The following FBXL17 variants were observed in gnomAD, a reference collection of about 807,000 sequenced individuals.
FBXL17 encodes F-box and leucine rich repeat protein 17, also known as F-box/LRR-repeat protein 17.
Under a neutral mutation model 66.2 loss-of-function variants are expected in FBXL17, and 22 were observed. The ratio of observed to expected loss-of-function variants is 0.33; its 90% CI spans 0.24 to 0.47. FBXL17 has a LOEUF of 0.47. Ranked by LOEUF, FBXL17 falls within the 20% of genes least tolerant of loss-of-function variation. FBXL17 has a pLI of 1.00. For synonymous variants in FBXL17, 474 were observed against 400.5 expected, an observed-to-expected ratio of 1.18 and a Z score of -2.19; for missense variants, 878 against 948.2, an observed-to-expected ratio of 0.93 and a Z score of 0.97.
At chr5:108,305,971 T>C (rs529391786) in intron 4 of FBXL17, among the ~76,000 whole-genome samples, 2 of 152,196 alleles carry the variant, frequency 1.3e-5, no homozygotes, top group South Asian at 4.1e-4. Flanking sequence ...TCAAAACCCA[T>C]TAGTAGAGTC....
chr5:108,361,971 C>T (rs1430923549), intron 3 of FBXL17, among the ~76,000 whole-genome samples: 4 of 152,134 alleles, frequency 2.6e-5, no homozygotes, highest in African/African-American at 9.7e-5. Flanking sequence ...GTAAAAAACC[C>T]ACAAAGCATT....
intron 4 of FBXL17, among the ~76,000 whole-genome samples, chr5:108,263,720 A>C (rs1229180092): frequency 6.6e-6 from 1 of 152,226 alleles, no homozygotes; most frequent in Non-Finnish European, 1.5e-5. Flanking sequence ...AATATTATTT[A>C]ATACATAAAA....
intron 6 of FBXL17, among the ~76,000 whole-genome samples, chr5:108,047,374 G>A (rs931353620): frequency 2.0e-5 from 3 of 152,186 alleles, no homozygotes; most frequent in African/African-American, 4.8e-5. Flanking sequence ...CCAGAGTGAC[G>A]CAGATTCTCA....
At chr5:108,206,261 A>C (rs1420754705) in intron 5 of FBXL17, among the ~76,000 whole-genome samples, 1 of 152,210 alleles carries the variant, frequency 6.6e-6, no homozygotes, top group African/African-American at 2.4e-5. Flanking sequence ...AATTCCTATA[A>C]GAAAAAAAGG....
chr5:108,233,188 T>C (rs953284464), intron 4 of FBXL17, among the ~76,000 whole-genome samples: 15 of 152,252 alleles, frequency 9.9e-5, no homozygotes, highest in Middle Eastern at 3.4e-3. Context: ...ATTGTTTTTT[T>C]TGCACTCTGT....
At chr5:107,972,956 C>T (rs1049547187) in intron 7 of FBXL17, among the ~76,000 whole-genome samples, 1 of 152,216 alleles carries the variant, frequency 6.6e-6, no homozygotes, top group Non-Finnish European at 1.5e-5. Flanking sequence ...TAATAGCCAA[C>T]AACCTCTCAC....
At position 107,904,594 on chromosome 5, in the gene FBXL17, G is replaced by T. The variant is rs566704253; in HGVS notation, c.1823-23415C>A. On this transcript the variant is annotated intron_variant, in intron 7 of 8. Transcript: ENST00000542267. The stretch of plus-strand genomic sequence containing the variant: ...CTCTCCTTAAATAGCCTGCTTTGGG[G>T]CCTAGAGCAAAAGCACAGACATCAT... Among the ~76,000 whole-genome samples the T allele has an allele frequency of 1.5e-3, 223 of 152,084 alleles. 1 individual carries two copies. Among genetic ancestry groups the T allele is most frequent in the Middle Eastern group, 3.4e-3 (1 of 294 alleles).
rs184570678 is a variant in FBXL17 at position 108,365,110 on chromosome 5, G to A, written c.1117-115C>T. 93 of 682,614 alleles carry A rather than the reference G, an allele frequency of 1.4e-4. 1 individual carries two copies. In the East Asian group the frequency reaches 1.8e-3, roughly 13 times the overall value. The allele number at this position is 682,614 out of a possible 1,614,324, so 42.3% of individuals were successfully genotyped here. A position where few individuals can be genotyped will look rare whatever the true frequency, so the allele number is the denominator to read the frequency against. On this transcript the variant is annotated intron_variant, in intron 2 of 8. Coordinates refer to ENST00000542267, the MANE Select transcript of FBXL17 (RefSeq NM_001163315.3). ...ATACTAATTAGATTATAGCATGAAC[G>A]ATATAATCAAAAGAGAAACCGTCTT...
At chr5:108,205,989 T>C (rs975774522) in intron 5 of FBXL17, among the ~76,000 whole-genome samples, 1 of 152,176 alleles carries the variant, frequency 6.6e-6, no homozygotes, top group African/African-American at 2.4e-5. Context: ...TAAGGTCTGC[T>C]GTCTCACTTT....
At chr5:108,354,605 T>C (rs1747849747) in intron 3 of FBXL17, among the ~76,000 whole-genome samples, 1 of 151,200 alleles carries the variant, frequency 6.6e-6, no homozygotes, top group African/African-American at 2.4e-5. Context: ...CAAATTAAGA[T>C]CAGATACCAA....
At chr5:108,255,654 G>A (rs1278941156) in intron 4 of FBXL17, among the ~76,000 whole-genome samples, 1 of 152,028 alleles carries the variant, frequency 6.6e-6, no homozygotes, top group African/African-American at 2.4e-5. Context: ...TAGTTTCACT[G>A]CCTGCAAGCA....
At chr5:108,311,177 TA>T (rs1336994304) in intron 4 of FBXL17, among the ~76,000 whole-genome samples, 116 of 152,196 alleles carry the variant, frequency 7.6e-4, no homozygotes, top group African/African-American at 2.7e-3. Flanking sequence ...TTTTTATTTT[TA>T]TTTTTTTTCT....
intron 8 of FBXL17, among the ~76,000 whole-genome samples, chr5:107,865,910 T>C (rs1748257175): frequency 6.6e-6 from 1 of 152,196 alleles, no homozygotes. Flanking sequence ...TTTGGTGCCA[T>C]AGAGGATTCA....
Position 108,380,929 on chromosome 5 carries a change from G to A in FBXL17, c.763C>T (p.Pro255Ser), listed in dbSNP as rs913550390. Residue 255 changes from proline to serine, a missense_variant, in exon 1 of 9, where the codon CCG (proline) becomes TCG (serine). Physicochemically the swap from Pro to Ser is moderately conservative, Grantham distance 74. Around this residue, in one of 4 missense-constraint regions of FBXL17, gnomAD observed 605 missense variants for 509.5 expected, o/e 1.19. Transcript: ENST00000542267. ...AGCCQAPEQP[P>S]QPLCPPPSSP... ...GAGGGCGGAGGGCAGAGCGGCTGCG[G>A]GGGCTGCTCCGGGGCCTGGCAGCAG... The A allele has an allele frequency of 3.1e-5, 38 of 1,223,048 alleles. No homozygotes were observed. The highest frequency in any genetic ancestry group is 3.6e-5 in the Non-Finnish European group (35 of 979,792). 75.8% of individuals were successfully genotyped at this position (1,223,048 alleles called of 1,614,324 possible).
chr5:108,054,703 T>A (rs1747618789), intron 6 of FBXL17, among the ~76,000 whole-genome samples: 1 of 152,218 alleles, frequency 6.6e-6, no homozygotes, highest in Non-Finnish European at 1.5e-5. Context: ...TGTCCTTTCC[T>A]CATCCTTTGG....
At chr5:107,917,381 T>A (rs964659179) in intron 7 of FBXL17, among the ~76,000 whole-genome samples, 2 of 152,094 alleles carry the variant, frequency 1.3e-5, no homozygotes, top group Non-Finnish European at 2.9e-5. Flanking sequence ...ACTTTTTTTT[T>A]AAAGAAGGTG....
At chr5:108,355,621 C>T (rs1747939343) in intron 3 of FBXL17, among the ~76,000 whole-genome samples, 1 of 152,094 alleles carries the variant, frequency 6.6e-6, no homozygotes, top group Admixed American at 6.6e-5. Flanking sequence ...AAGATATTTT[C>T]ACTACCTGTG....
chr5:108,083,250 C>CACACACAG (rs369652150), intron 6 of FBXL17, among the ~76,000 whole-genome samples: 26,080 of 145,176 alleles, frequency 0.18, 2,783 homozygotes, highest in Admixed American at 0.3. Context: ...CACACACACA[C>CACACACAG]AGAGAGAGAG....
At chr5:108,050,051 A>G (rs1013710745) in intron 6 of FBXL17, among the ~76,000 whole-genome samples, 1 of 152,192 alleles carries the variant, frequency 6.6e-6, no homozygotes, top group Non-Finnish European at 1.5e-5. Context: ...TCCTAAATAT[A>G]CATGTACCCA....
Sources: allele counts gnomAD v4.1 joint callset (sites outside exome capture counted in the v4.1 genomes callset), GRCh38; gene constraint gnomAD v4.1.1; regional missense constraint gnomAD v4.1.1; transcripts MANE v1.5; gene names NCBI Gene and HGNC (gene_info 2026-07-23, HGNC 2026-07-21).